NCAM1: variants seen among roughly 807,000 people sequenced by gnomAD.
NCAM1 encodes neural cell adhesion molecule 1.
NCAM1 carries 14 observed loss-of-function variants against 109.8 expected under a neutral mutation model. The ratio of observed to expected loss-of-function variants is 0.13; its 90% confidence interval spans 0.08 to 0.20. NCAM1 has a LOEUF of 0.20. Ranked by LOEUF, NCAM1 falls within the 10% of genes least tolerant of loss-of-function variation. The pLI is 1.00. For synonymous variants in NCAM1, 418 were observed against 442.9 expected, an observed-to-expected ratio of 0.94 and a Z score of 0.70; for missense variants, 774 against 1,109.9, an observed-to-expected ratio of 0.70 and a Z score of 4.30.
intron 1 of NCAM1, among the ~76,000 whole-genome samples, chr11:113,028,373 C>A (rs748579705): frequency 6.6e-6 from 1 of 152,000 alleles, no homozygotes; most frequent in Non-Finnish European, 1.5e-5. Flanking sequence ...GAATGGGAAG[C>A]CGCTTTGTGT....
chr11:112,970,625 G>A (rs1329303077), intron 1 of NCAM1, among the ~76,000 whole-genome samples: 1 of 152,050 alleles, frequency 6.6e-6, no homozygotes, highest in African/African-American at 2.4e-5. Context: ...TTCCGCAATC[G>A]AATATAAGAA....
At chr11:112,990,465 C>T (rs1951427763) in intron 1 of NCAM1, among the ~76,000 whole-genome samples, 1 of 152,100 alleles carries the variant, frequency 6.6e-6, no homozygotes, top group African/African-American at 2.4e-5. Flanking sequence ...GGACTGTAGC[C>T]AGTCTCAGAG....
chr11:113,192,922 G>A (rs150547762), intron 1 of NCAM1, among the ~76,000 whole-genome samples: 22 of 152,286 alleles, frequency 1.4e-4, no homozygotes, highest in African/African-American at 5.1e-4. Flanking sequence ...GAAAAGTTGT[G>A]CTTATCATTA....
At position 113,009,313 on chromosome 11, in the gene NCAM1, T is replaced by TTTTTTTGTTG. The variant is rs1491179749; in HGVS notation, c.52+47655_52+47656insGTTGTTTTTT. 9.4e-3 allele frequency among the ~76,000 whole-genome samples: 632 copies of TTTTTTTGTTG among 67,494 alleles called. 32 individuals carry two copies. The highest frequency in any genetic ancestry group is 0.01 in the Middle Eastern group (2 of 192). The allele number at this position is 67,494 out of a possible 152,430, so 44.3% of individuals were successfully genotyped here. On this transcript the variant is annotated intron_variant, in intron 1 of 19. Coordinates refer to ENST00000316851, the MANE Select transcript of NCAM1 (RefSeq NM_181351.5). ...ATTTAATTGGAAGGGTTTTTTCGGG[T>TTTTTTTGTTG]TTTTTTTTTTTTTTTTTTTTTTTTT... is the stretch of plus-strand genomic sequence containing the variant.
intron 1 of NCAM1, among the ~76,000 whole-genome samples, chr11:113,171,645 A>AAAT (rs1344348338): frequency 1.9e-4 from 4 of 21,122 alleles, no homozygotes; most frequent in Non-Finnish European, 4.7e-4. Flanking sequence ...ATAAATAAAT[A>AAAT]AATAAATAAA....
chr11:113,033,199 C>T (rs1952772478), intron 1 of NCAM1, among the ~76,000 whole-genome samples: 1 of 152,160 alleles, frequency 6.6e-6, no homozygotes, highest in Admixed American at 6.5e-5. Flanking sequence ...CTGAAATAGG[C>T]TGTGTTTCAT....
At chr11:113,264,151 C>A (rs1054340338) in intron 17 of NCAM1, 8 of 985,134 alleles carry the variant, frequency 8.1e-6, no homozygotes, top group Non-Finnish European at 9.6e-6. Flanking sequence ...CTCCCTCCCC[C>A]CATTGTGGTC....
chr11:112,979,719 T>TC (rs1951102452), intron 1 of NCAM1, among the ~76,000 whole-genome samples: 1 of 151,852 alleles, frequency 6.6e-6, no homozygotes, highest in African/African-American at 2.4e-5. Flanking sequence ...TTTGGTTTGG[T>TC]CTGGTCTCTT....
chr11:113,108,299 A>G (rs1443388416), intron 1 of NCAM1, among the ~76,000 whole-genome samples: 2 of 152,182 alleles, frequency 1.3e-5, no homozygotes, highest in African/African-American at 4.8e-5. Flanking sequence ...GTGAATGTTA[A>G]TTATCTCTGA....
At chr11:113,133,213 C>T (rs1352433106) in intron 1 of NCAM1, 2 of 152,194 alleles carry the variant, frequency 1.3e-5, no homozygotes, top group African/African-American at 4.8e-5. Flanking sequence ...ATTATGATGG[C>T]AGGAGAAGTG....
At position 113,260,334 on chromosome 11, in the gene NCAM1, C is replaced by T; in HGVS notation, c.2131+11C>T. ...CCACAGCCATCCCAGGTATGGCTGC[C>T]TCTGCTTTCTGTTTGTTTCCGCTTT... is the stretch of plus-strand genomic sequence containing the variant. On this transcript the variant is annotated intron_variant, in intron 17 of 19. Transcript: ENST00000316851. The T allele has an allele frequency of 6.2e-7, 1 of 1,607,856 alleles. No individual in the cohort carries two copies. Among genetic ancestry groups the T allele is most frequent in the Admixed American group, 1.7e-5 (1 of 58,506 alleles).
chr11:113,030,732 T>C (rs1555078212), intron 1 of NCAM1, among the ~76,000 whole-genome samples: 6 of 152,198 alleles, frequency 3.9e-5, no homozygotes, highest in Non-Finnish European at 4.4e-5. Context: ...ATTCTTGCAA[T>C]ATATTTTGTA....
chr11:113,180,877 G>A (rs1364682054), intron 1 of NCAM1, among the ~76,000 whole-genome samples: 2 of 152,212 alleles, frequency 1.3e-5, no homozygotes, highest in Admixed American at 1.3e-4. Flanking sequence ...CAACCACTCA[G>A]TCAATGAGTA....
intron 15 of NCAM1, among the ~76,000 whole-genome samples, chr11:113,255,383 A>G (rs1316874378): frequency 2.0e-5 from 3 of 152,116 alleles, no homozygotes; most frequent in Non-Finnish European, 4.4e-5. Context: ...TACTCCCACT[A>G]GAGATCAGGC....
At chr11:113,190,781 T>G (rs963312777) in intron 1 of NCAM1, among the ~76,000 whole-genome samples, 2 of 152,210 alleles carry the variant, frequency 1.3e-5, no homozygotes, top group African/African-American at 4.8e-5. Context: ...TCAGGCACCA[T>G]CTGATCTGGT....
intron 1 of NCAM1, among the ~76,000 whole-genome samples, chr11:113,048,510 C>T (rs1373721714): frequency 6.6e-6 from 1 of 152,208 alleles, no homozygotes; most frequent in Non-Finnish European, 1.5e-5. Flanking sequence ...GATGTCAGCT[C>T]ACATTTTGTT....
chr11:113,215,540 G>A (rs534087850), intron 8 of NCAM1, among the ~76,000 whole-genome samples: 64 of 152,328 alleles, frequency 4.2e-4, no homozygotes, highest in African/African-American at 1.3e-3. Context: ...AAAGGATAGT[G>A]TGAAATTCCA....
At chr11:112,971,728 C>A (rs1950887510) in intron 1 of NCAM1, among the ~76,000 whole-genome samples, 1 of 152,146 alleles carries the variant, frequency 6.6e-6, no homozygotes, top group African/African-American at 2.4e-5. Flanking sequence ...CTGGGAATAC[C>A]AGGTAGCATC....
intron 17 of NCAM1, among the ~76,000 whole-genome samples, chr11:113,266,363 G>T (rs1373563885): frequency 6.6e-6 from 1 of 152,182 alleles, no homozygotes; most frequent in Non-Finnish European, 1.5e-5. Flanking sequence ...CCTGCTTGAG[G>T]AGTTTAGACT....
Sources: gnomAD v4.1 joint callset for allele counts (sites outside exome capture counted in the v4.1 genomes callset) on GRCh38, gnomAD v4.1.1 for gene constraint, MANE v1.5 for transcripts, NCBI Gene and HGNC (gene_info 2026-07-23, HGNC 2026-07-21) for gene names.